Variants in TNIP3 observed in about 807,000 individuals in gnomAD.
The protein encoded by TNIP3 is TNFAIP3-interacting protein 3.
TNIP3 carries 34 observed loss-of-function variants against 54.1 expected under a neutral mutation model. That is an observed-to-expected ratio of 0.63 (90% CI 0.48 to 0.84). The LOEUF is 0.84. Among genes scored for constraint, TNIP3 ranks in the 40% least tolerant of loss-of-function variants. The pLI is 0.00. For synonymous variants in TNIP3, 134 were observed against 136.8 expected (o/e 0.98, Z 0.14); for missense variants, 366 against 387.6 (o/e 0.94, Z 0.47).
intron 2 of TNIP3, among the ~76,000 whole-genome samples, chr4:121,197,531 C>CA (rs531127977): frequency 0.12 from 7,526 of 63,778 alleles, 812 homozygotes; most frequent in African/African-American, 0.32. Context: ...GACTCTGTCT[C>CA]AAAAAAAAAA....
intron 5 of TNIP3, among the ~76,000 whole-genome samples, chr4:121,152,176 A>G (rs1729801693): frequency 6.6e-6 from 1 of 152,220 alleles, no homozygotes. Flanking sequence ...GCTTGTACAT[A>G]GAGGGTAGGC....
intron 3 of TNIP3, among the ~76,000 whole-genome samples, chr4:121,169,963 A>G (rs1382834023): frequency 1.3e-5 from 2 of 152,214 alleles, no homozygotes; most frequent in African/African-American, 2.4e-5. Flanking sequence ...TTTGTTGACG[A>G]GTCTGCAGCC....
At chr4:121,170,135 C>T (rs949080461) in intron 3 of TNIP3, among the ~76,000 whole-genome samples, 30 of 152,282 alleles carry the variant, frequency 2.0e-4, no homozygotes, top group African/African-American at 6.5e-4. Flanking sequence ...TCTCATGGTG[C>T]TTTGTGAAGC....
Position 121,154,155 on chromosome 4 carries a change from G to C in TNIP3, c.492+396C>G, listed in dbSNP as rs954426721. Reference sequence around the variant, plus strand: ...CATTTAGCATGCTTCCTTAGAGTGTGTTTCACACCCAACTCCATAGTGATC... The same window carrying C: ...CATTTAGCATGCTTCCTTAGAGTGTCTTTCACACCCAACTCCATAGTGATC... On this transcript the variant is annotated intron_variant, in intron 5 of 10. Coordinates refer to ENST00000057513, the MANE Select transcript of TNIP3 (RefSeq NM_024873.6). 2.1e-5 allele frequency: 5 copies of C among 243,426 alleles called. No homozygotes were observed. In the South Asian group the frequency reaches 2.6e-4, roughly 13 times the overall value. 15.1% of individuals were successfully genotyped at this position (243,426 alleles called of 1,614,324 possible).
chr4:121,159,582 T>C (rs1315958227), intron 2 of TNIP3, among the ~76,000 whole-genome samples: 1 of 152,264 alleles, frequency 6.6e-6, no homozygotes, highest in African/African-American at 2.4e-5. Flanking sequence ...ACGATTTTCT[T>C]GCAATAATGT....
upstream of TNIP3, among the ~76,000 whole-genome samples, chr4:121,166,089 A>T (rs1730753138): frequency 6.6e-6 from 1 of 152,232 alleles, no homozygotes. Flanking sequence ...TTGCCAGGAA[A>T]TACCATCCTT....
chr4:121,199,666 G>A (rs986653448), intron 2 of TNIP3, among the ~76,000 whole-genome samples: 2 of 152,186 alleles, frequency 1.3e-5, no homozygotes, highest in Non-Finnish European at 1.5e-5. Flanking sequence ...AGCTTCAACA[G>A]CCTGAGAAGA....
chr4:121,157,189 C>T lies in TNIP3; in HGVS notation c.268G>A (p.Glu90Lys). The change falls in exon 4 of 11, where the codon GAG (glutamate) becomes AAG (lysine). Residue 90 changes from glutamate (E) to lysine (K), a missense_variant. Glu to Lys is a moderately conservative substitution (Grantham distance 56). Transcript: ENST00000057513. ...DAAERFLSTR[E>K]KDPHQRQRKD... ...CTCTGCCTCTGATGCGGATCCTTCT[C>T]CCGCGTGCTGAGGAATCTTTCCGCG... 1 of 1,613,154 alleles carries T rather than the reference C, an allele frequency of 6.2e-7. No homozygotes were observed. The highest frequency in any genetic ancestry group is 1.7e-4 in the Middle Eastern group (1 of 6,060).
chr4:121,193,563 G>A (rs1485882939), intron 2 of TNIP3, among the ~76,000 whole-genome samples: 1 of 152,106 alleles, frequency 6.6e-6, no homozygotes, highest in East Asian at 1.9e-4. Flanking sequence ...AGCCGTCATA[G>A]TAATAATCTC....
intron 9 of TNIP3, among the ~76,000 whole-genome samples, chr4:121,139,162 T>C (rs1728963082): frequency 6.6e-6 from 1 of 152,134 alleles, no homozygotes; most frequent in African/African-American, 2.4e-5. Context: ...TTGACAGAAG[T>C]TCAGGATGGT....
rs374033583 is a variant in TNIP3, at chr4:121,154,600, G to T, written c.443C>A (p.Ala148Glu). 6.2e-7 allele frequency: 1 copy of T among 1,613,488 alleles called. No homozygotes were observed. The highest frequency in any genetic ancestry group is 8.5e-7 in the Non-Finnish European group (1 of 1,179,904). ...NKLLKGKNTLANKEKEHYECE... is the reference protein window; with the variant it reads ...NKLLKGKNTLENKEKEHYECE... ...TTCGTAATGTTCCTTTTCCTTGTTC[G>T]CAAGAGTATTTTTTCCCTTTAAAAG... The change falls in exon 5 of 11, where the codon GCG becomes GAG. Residue 148 changes from alanine (A) to glutamate (E), a missense_variant. Physicochemically the swap from Ala to Glu is moderately radical, Grantham distance 107. Transcript: ENST00000057513.
rs761092997 is a variant in TNIP3, at chr4:121,157,146, C to T, written c.311G>A (p.Arg104Lys). ...CAGGTCGCGCTGCCTGTCGTCCTCT[C>T]TCTGCCTGTCGTCCTTTCTCTGCCT... ...HQRQRKDDRQ[R>K]EDDRQRDLTR... The change falls in exon 4 of 11, where the codon AGA becomes AAA. Residue 104 changes from arginine to lysine, a missense_variant. Transcript: ENST00000057513. 4.0e-6 allele frequency: 6 copies of T among 1,516,782 alleles called. No individual in the cohort carries two copies. The Admixed American group carries it at 7.5e-5, about 19-fold the overall frequency. The allele number at this position is 1,516,782 out of a possible 1,614,324, so 94.0% of individuals were successfully genotyped here.
chr4:121,173,358 T>A (rs1267894350), intron 3 of TNIP3, among the ~76,000 whole-genome samples: 2 of 152,150 alleles, frequency 1.3e-5, no homozygotes, highest in African/African-American at 4.8e-5. Flanking sequence ...TAGAGATTAA[T>A]TTGCATTTCC....
At chr4:121,198,484 C>T (rs1358274826) in intron 2 of TNIP3, among the ~76,000 whole-genome samples, 1 of 152,154 alleles carries the variant, frequency 6.6e-6, no homozygotes, top group Non-Finnish European at 1.5e-5. Flanking sequence ...TGGCAAATAA[C>T]AACTGAGCAC....
chr4:121,145,048 C>G (rs749934905), intron 7 of TNIP3, among the ~76,000 whole-genome samples: 1 of 152,178 alleles, frequency 6.6e-6, no homozygotes. Flanking sequence ...ACTGACTTAA[C>G]GCATCCTCAG....
intron 2 of TNIP3, among the ~76,000 whole-genome samples, chr4:121,205,882 T>C (rs942171969): frequency 5.3e-5 from 8 of 152,158 alleles, no homozygotes; most frequent in African/African-American, 1.9e-4. Flanking sequence ...CTCACAGTTC[T>C]GCATGGCTGG....
chr4:121,162,178 C>A (rs1730493998), intron 1 of TNIP3, among the ~76,000 whole-genome samples: 1 of 152,160 alleles, frequency 6.6e-6, no homozygotes, highest in Admixed American at 6.5e-5. Context: ...GGAAATTGTT[C>A]TTTGCAATCA....
chr4:121,176,758 G>A (rs964849188), intron 3 of TNIP3, among the ~76,000 whole-genome samples: 2 of 151,852 alleles, frequency 1.3e-5, no homozygotes, highest in Admixed American at 6.6e-5. Context: ...TCAATTTACG[G>A]TAGTTTGCAA....
chr4:121,170,457 A>C (rs1336736594), intron 3 of TNIP3, among the ~76,000 whole-genome samples: 1 of 152,206 alleles, frequency 6.6e-6, no homozygotes, highest in African/African-American at 2.4e-5. Flanking sequence ...GACTGTGAAC[A>C]CACGTTTAAA....
Sources: allele counts gnomAD v4.1 joint callset (sites outside exome capture counted in the v4.1 genomes callset), GRCh38; gene constraint gnomAD v4.1.1; transcripts MANE v1.5; gene names NCBI Gene and HGNC (gene_info 2026-07-23, HGNC 2026-07-21).